MNAT1: variants seen among roughly 807,000 people sequenced by gnomAD.
MNAT1 encodes MNAT1 component of CDK activating kinase.
MNAT1 carries 43 observed loss-of-function variants against 42.0 expected under a neutral mutation model. The observed-to-expected ratio is 1.02, with a 90% CI of 0.80 to 1.32. The LOEUF is 1.32. Among genes scored for constraint, MNAT1 ranks in the 40% most tolerant of loss-of-function variants. MNAT1 has a pLI of 0.00. For synonymous variants in MNAT1, 118 were observed against 120.0 expected (o/e 0.98, Z 0.11); for missense variants, 306 against 350.4 (o/e 0.87, Z 1.01).
intron 7 of MNAT1, among the ~76,000 whole-genome samples, chr14:60,967,764 A>ATG (rs2036708227): frequency 6.6e-6 from 1 of 152,228 alleles, no homozygotes; most frequent in South Asian, 2.1e-4. Flanking sequence ...GAAGTAACTC[A>ATG]TACGTTTTCT....
intron 7 of MNAT1, among the ~76,000 whole-genome samples, chr14:60,890,622 G>A (rs1326929492): frequency 3.9e-5 from 6 of 152,196 alleles, no homozygotes; most frequent in Non-Finnish European, 5.9e-5. Flanking sequence ...CCGAAGGCTT[G>A]AGTGCCCCTG....
At chr14:60,763,033 A>C (rs902133906) in intron 1 of MNAT1, among the ~76,000 whole-genome samples, 1 of 152,192 alleles carries the variant, frequency 6.6e-6, no homozygotes, top group Non-Finnish European at 1.5e-5. Flanking sequence ...TTAATAGATA[A>C]AAGAATATAT....
At chr14:60,835,317 T>C (rs2033361203) in intron 6 of MNAT1, among the ~76,000 whole-genome samples, 2 of 152,152 alleles carry the variant, frequency 1.3e-5, no homozygotes, top group South Asian at 2.1e-4. Flanking sequence ...TTTTGCCCGT[T>C]AGTTGAGCAG....
intron 7 of MNAT1, among the ~76,000 whole-genome samples, chr14:60,938,230 C>T (rs1024704026): frequency 2.0e-5 from 3 of 152,086 alleles, no homozygotes; most frequent in Non-Finnish European, 2.9e-5. Context: ...CTTTCTCCTG[C>T]CTGATTGCCC....
At chr14:60,752,501 C>T (rs974313322) in intron 1 of MNAT1, among the ~76,000 whole-genome samples, 7 of 152,048 alleles carry the variant, frequency 4.6e-5, no homozygotes, top group Non-Finnish European at 4.4e-5. Flanking sequence ...CAGAGGAGTT[C>T]TTTTAATTTT....
intron 7 of MNAT1, among the ~76,000 whole-genome samples, chr14:60,911,009 AT>A (rs1208519838): frequency 6.6e-6 from 1 of 152,030 alleles, no homozygotes; most frequent in Admixed American, 6.6e-5. Context: ...TGAGCCTGTT[AT>A]TGGTCTATTC....
chr14:60,887,663 G>GT (rs1566536138), intron 7 of MNAT1, among the ~76,000 whole-genome samples: 1 of 151,824 alleles, frequency 6.6e-6, no homozygotes, highest in East Asian at 1.9e-4. Flanking sequence ...CCAGGAGCTG[G>GT]TTTTTTGAAA....
intron 1 of MNAT1, among the ~76,000 whole-genome samples, chr14:60,737,696 T>C (rs1263433093): frequency 2.0e-5 from 3 of 151,664 alleles, no homozygotes; most frequent in Non-Finnish European, 1.5e-5. Context: ...TGGGTCAGAG[T>C]TTGTGGCTTT....
chr14:60,843,371 C>T (rs979397269), intron 6 of MNAT1, among the ~76,000 whole-genome samples: 1 of 151,970 alleles, frequency 6.6e-6, no homozygotes, highest in Admixed American at 6.6e-5. Flanking sequence ...CCCGGGTTCA[C>T]GCTATTCTCC....
At position 60,846,919 on chromosome 14, in the gene MNAT1, A is replaced by G. The variant is rs529837140; in HGVS notation, c.687+28072A>G. Among the ~76,000 whole-genome samples the G allele has an allele frequency of 9.2e-5, 14 of 152,308 alleles. No individual in the cohort carries two copies. The East Asian group carries it at 1.5e-3, about 17-fold the overall frequency. Reference sequence around the variant, plus strand: ...GATTTTCTGTCTAGTTTGTCTATCAATTATTGAGTGGAGTTTTGAAATCTC... The same window carrying G: ...GATTTTCTGTCTAGTTTGTCTATCAGTTATTGAGTGGAGTTTTGAAATCTC... On this transcript the variant is annotated intron_variant, in intron 6 of 7. Coordinates refer to ENST00000261245, the MANE Select transcript of MNAT1 (RefSeq NM_002431.4).
intron 1 of MNAT1, among the ~76,000 whole-genome samples, chr14:60,794,897 A>T (rs2031963962): frequency 6.6e-6 from 1 of 151,466 alleles, no homozygotes; most frequent in Non-Finnish European, 1.5e-5. Flanking sequence ...TCTTGTATTC[A>T]TTTTTTTGTT....
At chr14:60,833,960 C>T (rs549105876) in intron 6 of MNAT1, among the ~76,000 whole-genome samples, 12 of 152,204 alleles carry the variant, frequency 7.9e-5, no homozygotes, top group African/African-American at 2.4e-4. Context: ...AGTTTATCTT[C>T]GTAGAGGTGT....
At chr14:60,820,178 T>A (rs1198178254) in intron 6 of MNAT1, among the ~76,000 whole-genome samples, 4 of 152,102 alleles carry the variant, frequency 2.6e-5, no homozygotes, top group African/African-American at 9.7e-5. Flanking sequence ...ACTCAGTAAT[T>A]TTCAAGAATA....
intron 7 of MNAT1, among the ~76,000 whole-genome samples, chr14:60,887,595 G>C (rs531894479): frequency 2.2e-3 from 337 of 151,582 alleles, no homozygotes; most frequent in African/African-American, 7.7e-3. Flanking sequence ...AGTATTCCAT[G>C]GTGTAGCAGA....
At chr14:60,769,012 A>G (rs1359362557) in intron 1 of MNAT1, among the ~76,000 whole-genome samples, 1 of 152,214 alleles carries the variant, frequency 6.6e-6, no homozygotes, top group African/African-American at 2.4e-5. Context: ...TGTATAGTTT[A>G]ATGAATAATG....
At chr14:60,823,081 T>A (rs1035054882) in intron 6 of MNAT1, among the ~76,000 whole-genome samples, 4 of 152,154 alleles carry the variant, frequency 2.6e-5, no homozygotes, top group Admixed American at 6.6e-5. Context: ...GAAGTTTCAA[T>A]CTCAGCTCAT....
Position 60,756,596 on chromosome 14 carries a change from T to C in MNAT1, c.89+21645T>C, listed in dbSNP as rs2030360065. 2.0e-5 allele frequency among the ~76,000 whole-genome samples: 3 copies of C among 152,190 alleles called. No homozygotes were observed. In the South Asian group the frequency reaches 6.2e-4, roughly 32 times the overall value. The stretch of plus-strand genomic sequence containing the variant: ...AAATCTTGATGTAAGTGGTAGGAAC[T>C]TCTGCCAACTGGAAATCAATTAAAA... On this transcript the variant is annotated intron_variant, in intron 1 of 7. Transcript: ENST00000261245.
chr14:60,916,491 C>A (rs949474568), intron 7 of MNAT1, among the ~76,000 whole-genome samples: 2 of 152,010 alleles, frequency 1.3e-5, no homozygotes, highest in Admixed American at 1.3e-4. Flanking sequence ...CTCGTCTTTA[C>A]AAAAAATGTA....
chr14:60,766,056 A>G (rs890499433), intron 1 of MNAT1, among the ~76,000 whole-genome samples: 3 of 152,204 alleles, frequency 2.0e-5, no homozygotes, highest in Non-Finnish European at 1.5e-5. Flanking sequence ...TGCATCTGTT[A>G]AATAACAAAC....
Sources: allele counts gnomAD v4.1 joint callset (sites outside exome capture counted in the v4.1 genomes callset), GRCh38; gene constraint gnomAD v4.1.1; transcripts MANE v1.5; gene names NCBI Gene and HGNC (gene_info 2026-07-23, HGNC 2026-07-21).